Variants in TVP23A observed in about 807,000 individuals in gnomAD.
TVP23A encodes the protein Golgi apparatus membrane protein TVP23 homolog A.
In TVP23A, 21 loss-of-function variants were observed where a neutral mutation model predicts 31.7. The observed-to-expected ratio is 0.66, with a 90% confidence interval of 0.47 to 0.95. The LOEUF (loss-of-function observed/expected upper bound fraction) is 0.95, where lower values mean the gene tolerates loss of function less well. Ranked by LOEUF, TVP23A falls within the 40% of genes least tolerant of loss-of-function variation. The pLI, the probability that TVP23A is intolerant of heterozygous loss-of-function variation, is 0.00. For missense variants in TVP23A, 279 were observed against 255.6 expected, an observed-to-expected ratio of 1.09 and a Z score of -0.62; for synonymous variants, 104 against 96.0, an observed-to-expected ratio of 1.08 and a Z score of -0.49.
chr16:10,815,166 TAGGTAGGGA>T (rs1164996858), intron 2 of TVP23A, among the ~76,000 whole-genome samples: 2 of 138,374 alleles, frequency 1.4e-5, no homozygotes, highest in African/African-American at 6.9e-5. Context: ...CTGAAGTAGG[TAGGTAGGGA>T]GGCTGAGATC....
chr16:10,769,241 T>G (rs2031346724), intron 7 of TVP23A, 140 bp from the exon 8 acceptor site: 1 of 670,328 alleles, frequency 1.5e-6, no homozygotes, highest in African/African-American at 1.8e-5. Context: ...CCGAAGCCAC[T>G]TTCTCAGAGA....
At chr16:10,761,953 A>G (rs1253138057), downstream of TVP23A, 14 of 963,480 alleles carry the variant, frequency 1.5e-5, no homozygotes, top group Non-Finnish European at 2.2e-5. Context: ...GAGAGGGGCA[A>G]TGGAAGGAGG....
At chr16:10,782,893 C>T (rs2032509635) in intron 2 of TVP23A, among the ~76,000 whole-genome samples, 1 of 152,086 alleles carries the variant, frequency 6.6e-6, no homozygotes, top group African/African-American at 2.4e-5. Flanking sequence ...CCAACCCCTG[C>T]TCCAGACCAG....
exon 9 of TVP23A, chr16:10,761,503 C>G: frequency 6.4e-7 from 1 of 1,565,628 alleles, no homozygotes; most frequent in East Asian, 2.2e-5. Context: ...GCCAGGCGAG[C>G]AAGATCTTGC....
chr16:10,770,469 T>C (rs934070095), intron 6 of TVP23A, 138 bp from the exon 7 acceptor site: 1 of 882,036 alleles, frequency 1.1e-6, no homozygotes, highest in Admixed American at 3.3e-5. Context: ...CATAAAGCAG[T>C]GCTGTTCAAA....
chr16:10,767,887 A>C lies in TVP23A; in HGVS notation c.*1215T>G. Reference sequence around the variant, plus strand: ...TCACCAGCACGGAAAGAGCCCCAAGATCTTGTGGCCATTCTGTTTTCCTCT... The same window carrying C: ...TCACCAGCACGGAAAGAGCCCCAAGCTCTTGTGGCCATTCTGTTTTCCTCT... On this transcript the variant is annotated 3_prime_UTR_variant, in exon 8 of 8. Transcript: ENST00000299866. The surrounding 1 kb of genome is among the most constrained non-coding windows in gnomAD (Gnocchi z 4.6). The C allele has an allele frequency of 6.8e-7, 1 of 1,469,392 alleles. No individual in the cohort carries two copies. The highest frequency in any genetic ancestry group is 9.5e-7 in the Non-Finnish European group (1 of 1,048,744). 91.0% of individuals were successfully genotyped at this position (1,469,392 alleles called of 1,614,324 possible). A position where few individuals can be genotyped will look rare whatever the true frequency, so the allele number is the denominator to read the frequency against.
chr16:10,792,138 C>A (rs113715412), intron 2 of TVP23A, among the ~76,000 whole-genome samples: 1 of 152,216 alleles, frequency 6.6e-6, no homozygotes, highest in South Asian at 2.1e-4. Flanking sequence ...TTTTTCCCTT[C>A]GGAAGCCCTT....
intron 2 of TVP23A, among the ~76,000 whole-genome samples, chr16:10,809,552 G>C (rs1477843460): frequency 6.6e-6 from 1 of 152,250 alleles, no homozygotes; most frequent in Non-Finnish European, 1.5e-5. Context: ...TCTTGCAGTA[G>C]TAGAGCAAAA....
downstream of TVP23A, chr16:10,761,139 C>T (rs141160501): frequency 9.4e-4 from 402 of 429,530 alleles, 1 homozygote; most frequent in African/African-American, 7.6e-3. Context: ...ATGATCCAAT[C>T]ACCTCCCACC....
rs11716 is a variant in TVP23A, at chr16:10,769,107, A to G, written c.*1-6T>C. On this transcript the variant is annotated splice_polypyrimidine_tract_variant and splice_region_variant and intron_variant, in intron 7 of 7. Coordinates refer to ENST00000299866, the MANE Select transcript of TVP23A (RefSeq NM_001079512.4). ...GAAGAGAACCTCATCAGTTCCTGAA[A>G]CGAGAGAATGTTCAGGACCAAGCAG... 0.25 allele frequency: 403,879 copies of G among 1,612,174 alleles called. 53,979 individuals are homozygous for G. Among genetic ancestry groups the G allele is most frequent in the African/African-American group, 0.48 (35,931 of 74,788 alleles).
At chr16:10,761,980 T>C, downstream of TVP23A, 1 of 738,866 alleles carries the variant, frequency 1.4e-6, no homozygotes, top group Non-Finnish European at 2.2e-6. Context: ...AATGGGGCGC[T>C]GGAGCCAGAC....
Position 10,818,696 on chromosome 16 carries a change from G to A in TVP23A, c.-203C>T. ...GGGGCCTAAGGCGCAGTCGCAGGCT[G>A]GGGAGGGGGCTCGGCTCGCCGGGGA... On this transcript the variant is annotated 5_prime_UTR_variant, in exon 1 of 8. Coordinates refer to ENST00000299866, the MANE Select transcript of TVP23A (RefSeq NM_001079512.4). The surrounding 1 kb of genome is among the most constrained non-coding windows in gnomAD (Gnocchi z 4.7). The A allele has an allele frequency of 5.3e-6, 3 of 567,172 alleles. No individual in the cohort carries two copies. The South Asian group carries it at 8.7e-5, about 16-fold the overall frequency. 35.1% of individuals were successfully genotyped at this position (567,172 alleles called of 1,614,324 possible). A position where few individuals can be genotyped will look rare whatever the true frequency, so the allele number is the denominator to read the frequency against.
chr16:10,761,263 A>G (rs1347778403), exon 9 of TVP23A: 4 of 1,066,916 alleles, frequency 3.7e-6, no homozygotes, highest in East Asian at 5.1e-5. Context: ...CTAAGGCTTT[A>G]TGATCGCAGA....
At chr16:10,762,358 C>G (rs991316379), downstream of TVP23A, among the ~76,000 whole-genome samples, 1 of 152,218 alleles carries the variant, frequency 6.6e-6, no homozygotes, top group African/African-American at 2.4e-5. Context: ...CCAAAAAATG[C>G]TCTTCTTAAG....
chr16:10,815,105 G>A (rs918308474), intron 2 of TVP23A, among the ~76,000 whole-genome samples: 18 of 152,226 alleles, frequency 1.2e-4, no homozygotes, highest in African/African-American at 3.6e-4. Flanking sequence ...AAAATACTGA[G>A]TTCTGGCCAG....
chr16:10,817,323 T>C (rs2143012148), intron 2 of TVP23A, among the ~76,000 whole-genome samples: 1 of 152,340 alleles, frequency 6.6e-6, no homozygotes, highest in Middle Eastern at 3.4e-3. Context: ...ACAGAGACTT[T>C]ACAAGGAATG....
At chr16:10,770,694 G>A (rs1311476106) in intron 6 of TVP23A, among the ~76,000 whole-genome samples, 2 of 151,244 alleles carry the variant, frequency 1.3e-5, no homozygotes, top group African/African-American at 4.9e-5. Context: ...TCAACATGGA[G>A]AGACCCCGTC....
chr16:10,809,964 C>A (rs1433455151), intron 2 of TVP23A, among the ~76,000 whole-genome samples: 1 of 152,118 alleles, frequency 6.6e-6, no homozygotes, highest in East Asian at 1.9e-4. Flanking sequence ...CATAACAACA[C>A]AAAAGCAGAA....
chr16:10,770,286 T>A lies in TVP23A; in HGVS notation c.628A>T (p.Ile210Phe). The change falls in exon 7 of 8, where the codon ATT (isoleucine) becomes TTT (phenylalanine). Residue 210 changes from isoleucine (I) to phenylalanine (F), a missense_variant. Coordinates refer to ENST00000299866, the MANE Select transcript of TVP23A (RefSeq NM_001079512.4). ...FQKPGLEGLE[I>F]HQH is the part of the protein sequence containing the mutation. The stretch of plus-strand genomic sequence containing the variant: ...CCATTTCTCACCTAATGCTGGTGAA[T>A]CTCCAGCCCCTCGAGGCCAGGCTTC... 1 of 1,550,876 alleles carries A rather than the reference T, an allele frequency of 6.4e-7. No individual in the cohort carries two copies. The highest frequency in any genetic ancestry group is 8.7e-7 in the Non-Finnish European group (1 of 1,146,764).
Sources: gnomAD v4.1 joint callset for allele counts (sites outside exome capture counted in the v4.1 genomes callset) on GRCh38, gnomAD v4.1.1 for gene constraint, Gnocchi (gnomAD v3.1) non-coding constraint, MANE v1.5 for transcripts, NCBI Gene and HGNC (gene_info 2026-07-23, HGNC 2026-07-21) for gene names.